The following INTS1 variants were observed in gnomAD, a reference collection of about 807,000 sequenced individuals.
INTS1 encodes the protein integrator complex subunit 1.
INTS1 carries 137 observed loss-of-function variants against 241.6 expected under a neutral mutation model. That is an observed-to-expected ratio of 0.57 (90% confidence interval 0.49 to 0.65). The LOEUF is 0.65. Among genes scored for constraint, INTS1 ranks in the 30% least tolerant of loss-of-function variants. The probability of loss-of-function intolerance (pLI) is 0.00; values close to 1 mark genes in which losing one functional copy is unlikely to be tolerated. For synonymous variants in INTS1, 1,692 were observed against 1,337.8 expected (o/e 1.26, Z -5.78); for missense variants, 3,073 against 3,032.2 (o/e 1.01, Z -0.32).
Position 1,487,078 on chromosome 7 carries a change from C to A in INTS1, c.2670G>T (p.Trp890Cys), listed in dbSNP as rs1782305577. The stretch of plus-strand genomic sequence containing the variant: ...CGCTGGACTGTACCAGGTCCGCCAG[C>A]CAGGGCATGGACTGCGAGGAGGCCT... ...QRQASSQSMP[W>C]LADLVQSSEG... Residue 890 changes from tryptophan to cysteine, a missense_variant, in exon 21 of 48, where the codon TGG becomes TGT. Transcript: ENST00000404767. 1 of 1,554,988 alleles carries A rather than the reference C, an allele frequency of 6.4e-7. No individual in the cohort carries two copies. The highest frequency in any genetic ancestry group is 1.9e-5 in the Admixed American group (1 of 52,036).
At position 1,470,608 on chromosome 7, in the gene INTS1, A is replaced by G; in HGVS notation, c.6542T>C (p.Leu2181Pro). 6.3e-7 allele frequency: 1 copy of G among 1,581,544 alleles called. No homozygotes were observed. The change falls in exon 48 of 48, where the codon CTG becomes CCG. Residue 2181 changes from leucine (L) to proline (P), a missense_variant. Coordinates refer to ENST00000404767, the MANE Select transcript of INTS1 (RefSeq NM_001080453.3). Reference protein sequence around the residue: ...MDPSAQISEALRILHMEAVM With the variant: ...MDPSAQISEAPRILHMEAVM ...CACGGCCTCCATATGCAGGATCCTCAGGGCCTCGGAGATCTGCGCGCTGGG... is the reference window on the plus strand; with the variant it reads ...CACGGCCTCCATATGCAGGATCCTCGGGGCCTCGGAGATCTGCGCGCTGGG...
Position 1,499,743 on chromosome 7 carries a change from T to A in INTS1, c.685-111A>T, listed in dbSNP as rs1019119773. 13 of 1,469,918 alleles carry A rather than the reference T, an allele frequency of 8.8e-6. No individual in the cohort carries two copies. The African/African-American group carries it at 1.8e-4, about 21-fold the overall frequency. 91.1% of individuals were successfully genotyped at this position (1,469,918 alleles called of 1,614,324 possible). ...TGCCCAGGCGGCCCTCTCCAGCTTCTGGGTGCAGCAGGGACCGTGCCATCA... is the reference window on the plus strand; with the variant it reads ...TGCCCAGGCGGCCCTCTCCAGCTTCAGGGTGCAGCAGGGACCGTGCCATCA... On this transcript the variant is annotated intron_variant, in intron 5 of 47. Transcript: ENST00000404767.
rs1482159009 is a variant in INTS1 at position 1,499,591 on chromosome 7, G to A, written c.726C>T (p.Asp242=). The A allele has an allele frequency of 1.2e-6, 2 of 1,613,374 alleles. No individual in the cohort carries two copies. Among genetic ancestry groups the A allele is most frequent in the Admixed American group, 1.7e-5 (1 of 60,000 alleles). The change falls in exon 6 of 48, where the codon GAC becomes GAT. Residue 242 remains aspartate, a synonymous_variant. Transcript: ENST00000404767. The part of the protein sequence containing the change: ...EDSLGERIWV[D]SPHCKTFVDN... ...CCACAAACGTCTTACAGTGAGGGCT[G>A]TCCACCCAGATCCGCTCCCCCAGGG...
intron 24 of INTS1, 56 bp downstream of exon 24, chr7:1,485,042 C>A: frequency 2.3e-6 from 2 of 882,162 alleles, no homozygotes; most frequent in South Asian, 3.3e-5. Context: ...GCCACACTGC[C>A]GGCTGGCCCC....
At chr7:1,486,514 C>G in intron 22 of INTS1, 111 bp downstream of exon 22, 4 of 1,262,218 alleles carry the variant, frequency 3.2e-6, no homozygotes, top group Non-Finnish European at 1.1e-6. Flanking sequence ...ATCTGCCTGC[C>G]TTGGCCTCCC....
At chr7:1,494,613 C>A in intron 14 of INTS1, 1 of 624,900 alleles carries the variant, frequency 1.6e-6, no homozygotes, top group Non-Finnish European at 2.8e-6. Flanking sequence ...CAGACGGCAG[C>A]TGAATCCCTA....
At chr7:1,489,145 C>G (rs1414422389) in intron 18 of INTS1, among the ~76,000 whole-genome samples, 199 bp downstream of exon 18, 3 of 152,210 alleles carry the variant, frequency 2.0e-5, no homozygotes, top group African/African-American at 7.2e-5. Flanking sequence ...TCAATCCACA[C>G]CCCCTCTCCC....
Position 1,484,224 on chromosome 7 carries a change from C to G in INTS1, c.3262-54G>C, listed in dbSNP as rs989163727. 19 of 1,553,150 alleles carry G rather than the reference C, an allele frequency of 1.2e-5. No homozygotes were observed. In the Admixed American group the frequency reaches 1.8e-4, roughly 14 times the overall value. On this transcript the variant is annotated intron_variant, in intron 24 of 47. Coordinates refer to ENST00000404767, the MANE Select transcript of INTS1 (RefSeq NM_001080453.3). ...GCTCCGAGACAGCTCTGCTCTCCGG[C>G]CAGCTGGGGTGACCTCGTCGCAGGC...
chr7:1,497,674 A>AGATCTGAAAG lies in INTS1; in HGVS notation c.1426-370_1426-361dup, dbSNP rs572087966. 6.1e-4 allele frequency among the ~76,000 whole-genome samples: 93 copies of AGATCTGAAAG among 152,360 alleles called. No homozygotes were observed. Among genetic ancestry groups the AGATCTGAAAG allele is most frequent in the Non-Finnish European group, 9.6e-4 (65 of 68,028 alleles). On this transcript the variant is annotated intron_variant, in intron 10 of 47. Coordinates refer to ENST00000404767, the MANE Select transcript of INTS1 (RefSeq NM_001080453.3). The surrounding 1 kb of genome is among the most constrained non-coding windows in gnomAD (Gnocchi z 5.3). ...AACGGAAACCAAAGGCCACCACCCA[A>AGATCTGAAAG]GATCTGAAAGGATCTGAAAGGACGC...
intron 39 of INTS1, 108 bp from the exon 40 acceptor site, chr7:1,474,946 T>C (rs1781642152): frequency 2.8e-6 from 4 of 1,411,442 alleles, no homozygotes; most frequent in Admixed American, 4.6e-5. Flanking sequence ...TGGCACGCCA[T>C]GAGCAGAGGA....
Position 1,503,591 on chromosome 7 carries a change from C to T in INTS1, c.58+312G>A, listed in dbSNP as rs1013642392. 2.6e-5 allele frequency among the ~76,000 whole-genome samples: 4 copies of T among 152,348 alleles called. No individual in the cohort carries two copies. The South Asian group carries it at 8.3e-4, about 32-fold the overall frequency. On this transcript the variant is annotated intron_variant, in intron 2 of 47. Coordinates refer to ENST00000404767, the MANE Select transcript of INTS1 (RefSeq NM_001080453.3). ...TCTGAGCCGACAGTTCAGCCGCAGA[C>T]CCCGTGCTACGCTACACTGTGCTGC... is the stretch of plus-strand genomic sequence containing the variant.
At chr7:1,475,229 A>G (rs539828917) in intron 39 of INTS1, among the ~76,000 whole-genome samples, 2 of 152,182 alleles carry the variant, frequency 1.3e-5, no homozygotes, top group African/African-American at 4.8e-5. Context: ...TCAAAAATAC[A>G]AAAAGAGTAA....
At chr7:1,476,141 G>A in intron 38 of INTS1, 70 bp from the exon 39 acceptor site, 3 of 1,525,976 alleles carry the variant, frequency 2.0e-6, no homozygotes. Context: ...GACGGGACCA[G>A]GCGTGATGGG....
chr7:1,503,143 G>A lies in INTS1; in HGVS notation c.107C>T (p.Ala36Val), dbSNP rs1469817635. The change falls in exon 3 of 48, where the codon GCC becomes GTC. Residue 36 changes from alanine (A) to valine (V), a missense_variant. By Grantham distance (64) the Ala-to-Val change is moderately conservative. Transcript: ENST00000404767. ...GGTGGACGCCGTTTTCGATTCATTGGCCTGACCCTTTGAGCCCAGAGCAAT... is the reference window on the plus strand; with the variant it reads ...GGTGGACGCCGTTTTCGATTCATTGACCTGACCCTTTGAGCCCAGAGCAAT... ...DFIALGSKGQ[A>V]NESKTASTLL... is the part of the protein sequence containing the mutation. The A allele has an allele frequency of 6.3e-7, 1 of 1,584,616 alleles. No individual in the cohort carries two copies. The highest frequency in any genetic ancestry group is 1.3e-5 in the African/African-American group (1 of 74,134).
chr7:1,493,047 T>C lies in INTS1; in HGVS notation c.2128A>G (p.Thr710Ala). 2 of 1,613,142 alleles carry C rather than the reference T, an allele frequency of 1.2e-6. No homozygotes were observed. Among genetic ancestry groups the C allele is most frequent in the African/African-American group, 1.3e-5 (1 of 74,854 alleles). The change falls in exon 16 of 48, where the codon ACC (threonine) becomes GCC (alanine). Residue 710 changes from threonine (T) to alanine (A), a missense_variant. Transcript: ENST00000404767. This position sits in a 1 kb window ranked among gnomAD's most constrained non-coding sequence, Gnocchi z 5.3. ...TGGATGTTTTCAGGGTGATGGTAGG[T>C]GCACAGATTCAGAACGGCGTCGATC... ...QLIDAVLNLC[T>A]YHHPENIQLP...
chr7:1,478,610 G>A (rs528733935), intron 32 of INTS1, 104 bp from the exon 33 acceptor site: 40 of 1,497,628 alleles, frequency 2.7e-5, no homozygotes, highest in East Asian at 4.9e-5. Context: ...GGGCCCACGC[G>A]GGTACCCACC....
At chr7:1,483,934 G>A (rs1214652886) in intron 25 of INTS1, 69 bp downstream of exon 25, 29 of 1,585,168 alleles carry the variant, frequency 1.8e-5, no homozygotes, top group South Asian at 4.5e-5. Context: ...GGCACCGAGC[G>A]TGCCGTGCAG....
At chr7:1,473,850 G>T (rs1299676530) in intron 41 of INTS1, among the ~76,000 whole-genome samples, 157 bp from the exon 42 acceptor site, 1 of 152,266 alleles carries the variant, frequency 6.6e-6, no homozygotes, top group Non-Finnish European at 1.5e-5. Flanking sequence ...AGGGTGGCCG[G>T]CATGGCCTGT....
In INTS1 at chr7:1,487,870, C is replaced by G; in HGVS notation, c.2406G>C (p.Glu802Asp). Residue 802 changes from glutamate to aspartate, a missense_variant, in exon 19 of 48, where the codon GAG (glutamate) becomes GAC (aspartate). Physicochemically the swap from Glu to Asp is conservative, Grantham distance 45 (BLOSUM62 2). Coordinates refer to ENST00000404767, the MANE Select transcript of INTS1 (RefSeq NM_001080453.3). ...LNRELQTAQR[E>D]KQEILAFEGH... is the part of the protein sequence containing the mutation. ...CCTCGAAGGCCAGGATCTCCTGCTT[C>G]TCCCGCTGGGCGGTCTGCAGCTCAC... 2.5e-6 allele frequency: 4 copies of G among 1,613,628 alleles called. No individual in the cohort carries two copies. The highest frequency in any genetic ancestry group is 3.4e-6 in the Non-Finnish European group (4 of 1,179,876).
Sources: gnomAD v4.1 joint callset for allele counts (sites outside exome capture counted in the v4.1 genomes callset) on GRCh38, gnomAD v4.1.1 for gene constraint, Gnocchi (gnomAD v3.1) non-coding constraint, MANE v1.5 for transcripts, NCBI Gene and HGNC (gene_info 2026-07-23, HGNC 2026-07-21) for gene names.